PPP2R2C: variants seen among roughly 807,000 people sequenced by gnomAD.
PPP2R2C encodes the protein protein phosphatase 2, regulatory subunit B, gamma.
In PPP2R2C, 10 loss-of-function variants were observed where a neutral mutation model predicts 45.3. The ratio of observed to expected loss-of-function variants is 0.22; its 90% CI spans 0.14 to 0.37. The LOEUF (loss-of-function observed/expected upper bound fraction) is 0.37. PPP2R2C is among the 10% of genes least tolerant of loss of function. The probability of loss-of-function intolerance (pLI) is 1.00; values close to 1 mark genes in which losing one functional copy is unlikely to be tolerated. For missense variants in PPP2R2C, 308 were observed against 619.7 expected (o/e 0.50, Z 5.34); for synonymous variants, 257 against 245.4 (o/e 1.05, Z -0.44).
intron 4 of PPP2R2C, among the ~76,000 whole-genome samples, chr4:6,373,547 G>A (rs989465662): frequency 3.9e-5 from 6 of 152,162 alleles, no homozygotes; most frequent in Admixed American, 6.5e-5. Flanking sequence ...GGAGCAAGGC[G>A]TCACCTCTTG....
At chr4:6,538,589 G>A (rs187757077) in intron 1 of PPP2R2C, among the ~76,000 whole-genome samples, 3 of 152,192 alleles carry the variant, frequency 2.0e-5, no homozygotes, top group Non-Finnish European at 2.9e-5. Context: ...CCAATAACAC[G>A]GCAAATGAAA....
intron 5 of PPP2R2C, among the ~76,000 whole-genome samples, chr4:6,371,829 AATTATT>A (rs1714850903): frequency 6.6e-6 from 1 of 152,194 alleles, no homozygotes; most frequent in South Asian, 2.1e-4. Context: ...GTGTTATTAT[AATTATT>A]ATTATCATTG....
At chr4:6,480,255 T>C (rs1166941724) in intron 2 of PPP2R2C, among the ~76,000 whole-genome samples, 1 of 152,258 alleles carries the variant, frequency 6.6e-6, no homozygotes, top group Non-Finnish European at 1.5e-5. Context: ...AACTGCTTTT[T>C]TTCCTAAGCA....
intron 1 of PPP2R2C, among the ~76,000 whole-genome samples, chr4:6,560,580 C>T (rs1725542633): frequency 6.6e-6 from 1 of 152,178 alleles, no homozygotes; most frequent in African/African-American, 2.4e-5. Flanking sequence ...CTAGGAAGCA[C>T]TGGAAGCGTC....
At chr4:6,375,790 G>C (rs1225636657) in intron 4 of PPP2R2C, 29 bp downstream of exon 4, 2 of 1,530,278 alleles carry the variant, frequency 1.3e-6, no homozygotes. Flanking sequence ...AAAGAGGCGT[G>C]TGCCTGCTTC....
At chr4:6,481,915 G>C (rs559560937) in intron 2 of PPP2R2C, among the ~76,000 whole-genome samples, 1 of 147,100 alleles carries the variant, frequency 6.8e-6, no homozygotes, top group Non-Finnish European at 1.5e-5. Flanking sequence ...GGAGGCAGAG[G>C]CTGCAGTGAG....
chr4:6,350,053 G>A, intron 5 of PPP2R2C: 1 of 985,382 alleles, frequency 1.0e-6, no homozygotes, highest in Non-Finnish European at 1.2e-6. Context: ...ACCACAAACT[G>A]AGAATCACAT....
intron 2 of PPP2R2C, among the ~76,000 whole-genome samples, chr4:6,512,653 A>ATGGTGGTGGTGGTGG (rs79384701): frequency 3.2e-5 from 4 of 123,742 alleles, no homozygotes; most frequent in African/African-American, 9.8e-5. Flanking sequence ...GATGGTGCTG[A>ATGGTGGTGGTGGTGG]TGGTGGTGGT....
intron 1 of PPP2R2C, among the ~76,000 whole-genome samples, chr4:6,435,694 A>G (rs886751412): frequency 6.6e-6 from 1 of 152,230 alleles, no homozygotes; most frequent in African/African-American, 2.4e-5. Context: ...TGTGAGTGAG[A>G]GTCAGTTCTT....
intron 1 of PPP2R2C, among the ~76,000 whole-genome samples, chr4:6,450,996 G>T (rs1720707784): frequency 6.6e-6 from 1 of 152,184 alleles, no homozygotes; most frequent in Non-Finnish European, 1.5e-5. Flanking sequence ...CAGTGCCTAA[G>T]CATCACTGGC....
chr4:6,514,575 C>A (rs145783577), intron 2 of PPP2R2C, among the ~76,000 whole-genome samples: 2,008 of 152,288 alleles, frequency 0.013, 18 homozygotes, highest in Middle Eastern at 0.031. Context: ...AGAGATTGTT[C>A]CAATGGTCTG....
At chr4:6,380,862 G>T in intron 2 of PPP2R2C, 135 bp downstream of exon 2, 2 of 1,334,464 alleles carry the variant, frequency 1.5e-6, no homozygotes, top group African/African-American at 1.5e-5. Flanking sequence ...CTTGTGGGTT[G>T]GAGTATAGTC....
chr4:6,374,203 C>A (rs933970585), intron 4 of PPP2R2C, among the ~76,000 whole-genome samples: 1 of 152,134 alleles, frequency 6.6e-6, no homozygotes, highest in Non-Finnish European at 1.5e-5. Flanking sequence ...CATCACTGGC[C>A]CAGCAAAGTC....
At chr4:6,514,389 G>A (rs911058361) in intron 2 of PPP2R2C, among the ~76,000 whole-genome samples, 13 of 152,176 alleles carry the variant, frequency 8.5e-5, no homozygotes, top group Admixed American at 6.5e-5. Flanking sequence ...AGGTCTCAAG[G>A]CAATTTTGTT....
Position 6,539,692 on chromosome 4 carries a change from G to C in PPP2R2C, c.-58-4315C>G, listed in dbSNP as rs180906488. ...GTGGTCAAGGGTGGCAAGTGCGTGG[G>C]GAAATGGAAGAATCAGATCTGGGGT... On this transcript the variant is annotated intron_variant, in intron 1 of 9. Coordinates refer to the PPP2R2C transcript ENST00000506140. Among the ~76,000 whole-genome samples, 6 of 152,332 alleles carry C rather than the reference G, an allele frequency of 3.9e-5. 1 individual carries two copies. In the East Asian group the frequency reaches 1.2e-3, roughly 29 times the overall value.
chr4:6,337,112 G>GTATATATATATATATATATATA (rs61657951), intron 6 of PPP2R2C, among the ~76,000 whole-genome samples: 1 of 30,102 alleles, frequency 3.3e-5, no homozygotes, highest in African/African-American at 1.0e-4. Flanking sequence ...ATGTGTGTGT[G>GTATATATATATATATATATATA]TATATATATA....
chr4:6,363,337 G>A (rs1005869158), intron 5 of PPP2R2C, among the ~76,000 whole-genome samples: 4 of 152,166 alleles, frequency 2.6e-5, no homozygotes, highest in Non-Finnish European at 5.9e-5. Context: ...CCAGCACTTT[G>A]GGAGGTCAAG....
intron 1 of PPP2R2C, among the ~76,000 whole-genome samples, chr4:6,418,527 C>T (rs953574006): frequency 2.0e-5 from 3 of 152,254 alleles, no homozygotes; most frequent in Non-Finnish European, 2.9e-5. Context: ...AGGTGAACCT[C>T]GGCCCCAGCA....
At chr4:6,411,678 G>C (rs1194927342) in intron 1 of PPP2R2C, among the ~76,000 whole-genome samples, 2 of 151,328 alleles carry the variant, frequency 1.3e-5, no homozygotes, top group Non-Finnish European at 2.9e-5. Context: ...TCAGCCTCCT[G>C]AGTAGCTGGG....
Sources: allele counts gnomAD v4.1 joint callset (sites outside exome capture counted in the v4.1 genomes callset), GRCh38; gene constraint gnomAD v4.1.1; transcripts MANE v1.5; gene names NCBI Gene and HGNC (gene_info 2026-07-23, HGNC 2026-07-21).